ITGB3: variants seen among roughly 807,000 people sequenced by gnomAD.
The protein encoded by ITGB3 is integrin beta-3.
ITGB3 carries 48 observed loss-of-function variants against 85.8 expected under a neutral mutation model. That is an observed-to-expected ratio of 0.56 (90% confidence interval 0.44 to 0.71). The LOEUF (loss-of-function observed/expected upper bound fraction) is 0.71, where lower values mean the gene tolerates loss of function less well. ITGB3 is among the 30% of genes least tolerant of loss of function. The probability of loss-of-function intolerance (pLI) is 0.00; values close to 1 mark genes in which losing one functional copy is unlikely to be tolerated. For synonymous variants in ITGB3, 363 were observed against 395.6 expected, an observed-to-expected ratio of 0.92 and a Z score of 0.98; for missense variants, 861 against 1,019.1, an observed-to-expected ratio of 0.84 and a Z score of 2.11.
intron 13 of ITGB3, among the ~76,000 whole-genome samples, chr17:47,303,168 T>C (rs914241725): frequency 1.3e-5 from 2 of 152,102 alleles, no homozygotes; most frequent in African/African-American, 4.8e-5. Flanking sequence ...GAGACTCACT[T>C]GAACCCGGGA....
Position 47,307,625 on chromosome 17 carries a change from A to C in ITGB3, c.2289A>C (p.Ala763=), listed in dbSNP as rs766371619. The stretch of plus-strand genomic sequence containing the variant: ...AATTTGAGGAAGAACGCGCCAGAGC[A>C]AAATGGGACACAGTAAGAGACGGGG... ...FAKFEEERAR[A]KWDTANNPLY... Residue 763 remains alanine, a synonymous_variant, in exon 14 of 15, where the codon GCA becomes GCC. Transcript: ENST00000559488. 4 of 1,614,208 alleles carry C rather than the reference A, an allele frequency of 2.5e-6. No homozygotes were observed. The African/African-American group carries it at 5.3e-5, about 22-fold the overall frequency.
At chr17:47,257,967 T>C (rs2064996154) in intron 1 of ITGB3, among the ~76,000 whole-genome samples, 1 of 152,156 alleles carries the variant, frequency 6.6e-6, no homozygotes, top group Admixed American at 6.5e-5. Context: ...AAATTTCTCC[T>C]CTAAAGCTCC....
intron 13 of ITGB3, among the ~76,000 whole-genome samples, chr17:47,306,698 T>A (rs1598702279): frequency 6.6e-6 from 1 of 151,826 alleles, no homozygotes; most frequent in East Asian, 2.0e-4. Flanking sequence ...TTATTTATTT[T>A]GAGATGGAGT....
At chr17:47,270,029 G>A (rs1281097106) in intron 1 of ITGB3, among the ~76,000 whole-genome samples, 1 of 152,178 alleles carries the variant, frequency 6.6e-6, no homozygotes, top group Non-Finnish European at 1.5e-5. Context: ...AGCAAAGGGG[G>A]AAAAGCCTTT....
intron 10 of ITGB3, among the ~76,000 whole-genome samples, chr17:47,298,644 A>G (rs1419004806): frequency 6.6e-6 from 1 of 152,142 alleles, no homozygotes; most frequent in African/African-American, 2.4e-5. Context: ...CACCTAGCTG[A>G]TTTGAGAAAT....
chr17:47,272,354 A>G (rs978845990), intron 1 of ITGB3, among the ~76,000 whole-genome samples: 1 of 150,112 alleles, frequency 6.7e-6, no homozygotes, highest in Admixed American at 6.6e-5. Context: ...GCGCTTGGCC[A>G]TTTTTTTTTT....
chr17:47,279,195 T>C (rs1000232), intron 2 of ITGB3, among the ~76,000 whole-genome samples: 56,163 of 152,012 alleles, frequency 0.37, 10,774 homozygotes, highest in East Asian at 0.57. Flanking sequence ...CGCAGGGCGC[T>C]GGCTGGAACC....
chr17:47,290,826 G>T, intron 8 of ITGB3, 128 bp from the exon 9 acceptor site: 1 of 1,062,512 alleles, frequency 9.4e-7, no homozygotes, highest in Non-Finnish European at 1.4e-6. Flanking sequence ...GTCAAACCTT[G>T]GCCTCTGGCA....
In ITGB3 at chr17:47,253,887, C is replaced by G. The variant is rs763800456; in HGVS notation, c.26C>G (p.Pro9Arg). Residue 9 changes from proline (P) to arginine (R), a missense_variant, in exon 1 of 15, where the codon CCG becomes CGG. By Grantham distance (103) the Pro-to-Arg change is moderately radical. Transcript: ENST00000559488. ...ATGCGAGCGCGGCCGCGGCCCCGGCCGCTCTGGGCGACTGTGCTGGCGCTG... is the reference window on the plus strand; with the variant it reads ...ATGCGAGCGCGGCCGCGGCCCCGGCGGCTCTGGGCGACTGTGCTGGCGCTG... MRARPRPR[P>R]LWATVLALGA... 10 of 1,290,250 alleles carry G rather than the reference C, an allele frequency of 7.8e-6. No individual in the cohort carries two copies. The highest frequency in any genetic ancestry group is 3.6e-5 in the Admixed American group (1 of 27,934). The allele number at this position is 1,290,250 out of a possible 1,614,324, so 79.9% of individuals were successfully genotyped here. A position where few individuals can be genotyped will look rare whatever the true frequency, so the allele number is the denominator to read the frequency against.
chr17:47,302,840 G>A lies in ITGB3; in HGVS notation c.2134G>A (p.Glu712Lys), dbSNP rs751595288. The A allele has an allele frequency of 1.2e-6, 2 of 1,614,096 alleles. No individual in the cohort carries two copies. Among genetic ancestry groups the A allele is most frequent in the African/African-American group, 2.7e-5 (2 of 74,942 alleles). Reference protein sequence around the residue: ...KSILYVVEEPECPKGPDILVV... With the variant: ...KSILYVVEEPKCPKGPDILVV... Reference sequence around the variant, plus strand: ...CATCCTGTATGTGGTAGAAGAGCCAGGTGAGTGAACCCTGACGGCTCCCGG... The same window carrying A: ...CATCCTGTATGTGGTAGAAGAGCCAAGTGAGTGAACCCTGACGGCTCCCGG... The change falls in exon 13 of 15, where the codon GAG becomes AAG. Residue 712 changes from glutamate to lysine, a missense_variant and splice_region_variant. Coordinates refer to ENST00000559488, the MANE Select transcript of ITGB3 (RefSeq NM_000212.3).
intron 10 of ITGB3, among the ~76,000 whole-genome samples, chr17:47,293,241 G>A (rs2065134040): frequency 1.3e-5 from 2 of 152,118 alleles, no homozygotes; most frequent in Admixed American, 1.3e-4. Context: ...TACTCAGCAG[G>A]GTACTGAGTT....
chr17:47,291,161 T>A (rs530886845), intron 9 of ITGB3, 73 bp downstream of exon 9: 70 of 1,570,020 alleles, frequency 4.5e-5, no homozygotes, highest in Non-Finnish European at 5.6e-5. Flanking sequence ...CCTTTTGTAG[T>A]GACTAAAAAT....
At chr17:47,285,473 T>C (rs1345874003) in intron 4 of ITGB3, among the ~76,000 whole-genome samples, 1 of 152,018 alleles carries the variant, frequency 6.6e-6, no homozygotes, top group East Asian at 1.9e-4. Flanking sequence ...AAATTAGCTA[T>C]GTGTGATGGC....
At chr17:47,300,400 A>C in intron 11 of ITGB3, 78 bp from the exon 12 acceptor site, 1 of 982,822 alleles carries the variant, frequency 1.0e-6, no homozygotes, top group Middle Eastern at 2.3e-4. Flanking sequence ...TTCTGAATGC[A>C]TGGAGATCAG....
chr17:47,272,057 T>A (rs912900296), intron 1 of ITGB3, among the ~76,000 whole-genome samples: 7 of 80,850 alleles, frequency 8.7e-5, no homozygotes, highest in African/African-American at 2.9e-4. Flanking sequence ...ACCGGGGCTA[T>A]TTTTTTTTTT....
At chr17:47,291,259 C>A in intron 9 of ITGB3, 171 bp downstream of exon 9, 1 of 720,252 alleles carries the variant, frequency 1.4e-6, no homozygotes, top group Non-Finnish European at 2.3e-6. Context: ...ATCCACCAAT[C>A]TTTTCCTCTG....
Position 47,299,855 on chromosome 17 carries a change from G to A in ITGB3, c.1913+325G>A, listed in dbSNP as rs144255987. ...GTGCTAATGTTCTGATTCAGTGGGAGATGTGAGGGCTGGAATTATGGAGGA... is the reference window on the plus strand; with the variant it reads ...GTGCTAATGTTCTGATTCAGTGGGAAATGTGAGGGCTGGAATTATGGAGGA... On this transcript the variant is annotated intron_variant, in intron 11 of 14. Transcript: ENST00000559488. This position sits in a 1 kb window ranked among gnomAD's most constrained non-coding sequence, Gnocchi z 5.1. 6.6e-6 allele frequency among the ~76,000 whole-genome samples: 1 copy of A among 152,336 alleles called. No individual in the cohort carries two copies. The highest frequency in any genetic ancestry group is 1.5e-5 in the Non-Finnish European group (1 of 68,030).
Position 47,253,910 on chromosome 17 carries a change from C to T in ITGB3, c.49C>T (p.Leu17=), listed in dbSNP as rs780711301. ...GCCGCTCTGGGCGACTGTGCTGGCG[C>T]TGGGGGCGCTGGCGGGCGTTGGCGT... is the stretch of plus-strand genomic sequence containing the variant. ...PRPLWATVLA[L]GALAGVGVGG... Residue 17 remains leucine, a synonymous_variant, in exon 1 of 15, where the codon CTG becomes TTG. Transcript: ENST00000559488. 3.6e-6 allele frequency: 5 copies of T among 1,406,912 alleles called. No individual in the cohort carries two copies. The highest frequency in any genetic ancestry group is 3.0e-5 in the South Asian group (2 of 66,970). The allele number at this position is 1,406,912 out of a possible 1,614,324, so 87.2% of individuals were successfully genotyped here.
intron 6 of ITGB3, among the ~76,000 whole-genome samples, chr17:47,288,784 G>A (rs533835164): frequency 1.3e-5 from 2 of 152,332 alleles, no homozygotes; most frequent in African/African-American, 4.8e-5. Context: ...ACTATGTATG[G>A]TTCTATCCTT....
Sources: allele counts gnomAD v4.1 joint callset (sites outside exome capture counted in the v4.1 genomes callset), GRCh38; gene constraint gnomAD v4.1.1; non-coding constraint Gnocchi (gnomAD v3.1); transcripts MANE v1.5; gene names NCBI Gene and HGNC (gene_info 2026-07-23, HGNC 2026-07-21).